The following DDX3X variants were observed in gnomAD, a reference collection of about 807,000 sequenced individuals.
DDX3X encodes the protein DEAD-box helicase 3 X-linked, also known as ATP-dependent RNA helicase DDX3X.
Under a neutral mutation model 52.7 loss-of-function variants are expected in DDX3X, and 4 were observed. That is an observed-to-expected ratio of 0.08 (90% CI 0.04 to 0.17). The LOEUF (loss-of-function observed/expected upper bound fraction) is 0.17, where lower values mean the gene tolerates loss of function less well. DDX3X is among the 10% of genes least tolerant of loss of function. The pLI, the probability that DDX3X is intolerant of heterozygous loss-of-function variation, is 1.00. For missense variants in DDX3X, 222 were observed against 548.6 expected (o/e 0.40, Z 5.95); for synonymous variants, 192 against 178.1 (o/e 1.08, Z -0.62).
chrX:41,341,050 A>G (rs958881989), intron 3 of DDX3X: 44 of 203,053 alleles, frequency 2.2e-4, no homozygotes, highest in African/African-American at 9.1e-4. Context: ...CAGTGGCGCA[A>G]TCTTGGCTCA....
chrX:41,362,083 C>CTTTTTTTTTTTTTTTTTTTTTTTTTTTT (rs1176759189), intron 5 of DDX3X, among the ~76,000 whole-genome samples: 1 of 72,733 alleles, frequency 1.4e-5, no homozygotes, highest in Non-Finnish European at 2.4e-5. Flanking sequence ...AAATAATTAA[C>CTTTTTTTTTTTTTTTTTTTTTTTTTTTT]TTTTTTTTTT....
chrX:41,346,060 T>C (rs1348007179), intron 12 of DDX3X, among the ~76,000 whole-genome samples, 169 bp from the exon 13 acceptor site: 1 of 111,220 alleles, frequency 9.0e-6, no homozygotes, highest in Non-Finnish European at 1.9e-5. Context: ...TAAATGTATT[T>C]GGATTACCTT....
At chrX:41,355,023 G>A (rs187143366), downstream of DDX3X, among the ~76,000 whole-genome samples, 13 of 111,040 alleles carry the variant, frequency 1.2e-4, no homozygotes, top group Admixed American at 1.2e-3. Flanking sequence ...GTTTCACCAT[G>A]TTGGCCAGGC....
intron 5 of DDX3X, among the ~76,000 whole-genome samples, chrX:41,363,573 CG>C (rs1488742732): frequency 9.0e-6 from 1 of 110,738 alleles, no homozygotes; most frequent in Non-Finnish European, 1.9e-5. Flanking sequence ...CACCTGAGGT[CG>C]GGAGTTCAAG....
rs779721240 is a variant in DDX3X at position 41,342,636 on chromosome X, A to C, written c.426A>C (p.Pro142=). 18 of 1,210,333 alleles carry C rather than the reference A, an allele frequency of 1.5e-5. No individual in the cohort carries two copies. The Admixed American group carries it at 2.4e-4, about 16-fold the overall frequency. Residue 142 remains proline (P), a synonymous_variant, in exon 5 of 17, where the codon CCA becomes CCC. Coordinates refer to ENST00000644876, the MANE Select transcript of DDX3X (RefSeq NM_001356.5). ...ATGATTGGTCAAAACCACTCCCACC[A>C]AGTGAACGCTTGGAACAGTAAGTTT... ...DEDDWSKPLP[P]SERLEQELFS... is the part of the protein sequence containing the mutation.
In DDX3X at chrX:41,344,138, A is replaced by G; in HGVS notation, c.864+10A>G. 1 of 1,190,957 alleles carries G rather than the reference A, an allele frequency of 8.4e-7. No individual in the cohort carries two copies. Among genetic ancestry groups the G allele is most frequent in the Non-Finnish European group, 1.1e-6 (1 of 881,871 alleles). On this transcript the variant is annotated intron_variant, in intron 9 of 16. Transcript: ENST00000644876. ...CGAGGAAGCCAGAAAAGTAAGTATGAGTTCCAGTGATTATTAGCTTTTTCA... is the reference window on the plus strand; with the variant it reads ...CGAGGAAGCCAGAAAAGTAAGTATGGGTTCCAGTGATTATTAGCTTTTTCA...
intron 10 of DDX3X, chrX:41,344,657 C>CG: frequency 2.8e-6 from 1 of 358,931 alleles, no homozygotes; most frequent in Admixed American, 4.4e-5. Flanking sequence ...AGGCTGGTCT[C>CG]GAACTCCTGA....
At chrX:41,355,117 G>A (rs1451647039), downstream of DDX3X, among the ~76,000 whole-genome samples, 6 of 111,352 alleles carry the variant, frequency 5.4e-5, no homozygotes, top group South Asian at 1.5e-3. Flanking sequence ...CACCGTGCCC[G>A]GCCAGTTTGT....
downstream of DDX3X, chrX:41,351,042 T>C (rs1199066318): frequency 8.9e-6 from 1 of 111,948 alleles, no homozygotes; most frequent in Non-Finnish European, 1.9e-5. Flanking sequence ...CATGGCCATA[T>C]GTATTTTGAA....
intron 7 of DDX3X, 70 bp downstream of exon 7, chrX:41,343,421 T>G (rs773721753): frequency 2.7e-5 from 27 of 1,002,810 alleles, no homozygotes; most frequent in Non-Finnish European, 3.5e-5. Flanking sequence ...AATATTTTAT[T>G]TTTTATGGGT....
downstream of DDX3X, among the ~76,000 whole-genome samples, chrX:41,354,372 T>C (rs1157194491): frequency 1.0e-5 from 1 of 98,324 alleles, no homozygotes; most frequent in African/African-American, 4.0e-5. Context: ...GAGACAGGGT[T>C]GCGCAGGCTG....
intron 12 of DDX3X, 137 bp from the exon 13 acceptor site, chrX:41,346,092 C>A: frequency 3.9e-6 from 2 of 509,977 alleles, no homozygotes; most frequent in Non-Finnish European, 6.4e-6. Context: ...CTCCTCAATT[C>A]AAAACATGCT....
At chrX:41,360,437 G>A (rs761773503) in intron 5 of DDX3X, among the ~76,000 whole-genome samples, 1 of 107,774 alleles carries the variant, frequency 9.3e-6, no homozygotes, top group African/African-American at 3.4e-5. Context: ...GAGTGCTCTT[G>A]TTTGTTTGTT....
chrX:41,335,847 A>G (rs1473139510), intron 1 of DDX3X: 2 of 112,024 alleles, frequency 1.8e-5, no homozygotes, highest in Non-Finnish European at 3.8e-5. Context: ...TCCCAGTTTT[A>G]CCATTTTCCA....
At position 41,347,721 on chromosome X, in the gene DDX3X, C is replaced by T. The variant is rs746863718; in HGVS notation, c.*2C>T. ...GGGGTTGACTGGTGGGGTAACTGAG[C>T]CTGCTTTGCAGTAGGTCACCCTGCC... On this transcript the variant is annotated 3_prime_UTR_variant, in exon 17 of 17. Transcript: ENST00000644876. 1.3e-5 allele frequency: 15 copies of T among 1,164,854 alleles called. No homozygotes were observed. The highest frequency in any genetic ancestry group is 2.4e-5 in the Admixed American group (1 of 41,159).
intron 1 of DDX3X, chrX:41,336,153 A>G (rs768035883): frequency 1.8e-5 from 2 of 112,483 alleles, no homozygotes; most frequent in Admixed American, 9.4e-5. Context: ...CAAGATTTAT[A>G]AACATGGTAT....
At chrX:41,338,954 G>C (rs2147343585) in intron 2 of DDX3X, 82 bp from the exon 3 acceptor site, 4 of 386,375 alleles carry the variant, frequency 1.0e-5, no homozygotes, top group Non-Finnish European at 1.6e-5. Flanking sequence ...TAATTTCCCA[G>C]AACCATTTTT....
At chrX:41,346,125 A>C in intron 12 of DDX3X, 104 bp from the exon 13 acceptor site, 1 of 691,814 alleles carries the variant, frequency 1.4e-6, no homozygotes, top group Non-Finnish European at 2.1e-6. Context: ...CGTTTTTAAG[A>C]AGATATATAT....
chrX:41,334,592 C>T (rs2063730904), intron 1 of DDX3X: 1 of 1,082,140 alleles, frequency 9.2e-7, no homozygotes, highest in Non-Finnish European at 1.2e-6. Context: ...CGGGGACGCG[C>T]ATGCGCGAAT....
Sources: gnomAD v4.1 joint callset for allele counts (sites outside exome capture counted in the v4.1 genomes callset) on GRCh38, gnomAD v4.1.1 for gene constraint, MANE v1.5 for transcripts, NCBI Gene and HGNC (gene_info 2026-07-23, HGNC 2026-07-21) for gene names.